FAM161A: variants seen among roughly 807,000 people sequenced by gnomAD.
FAM161A encodes FAM161 centrosomal protein A, also known as protein FAM161A.
Under a neutral mutation model 70.9 loss-of-function variants are expected in FAM161A, and 57 were observed. The ratio of observed to expected loss-of-function variants is 0.80; its 90% CI spans 0.65 to 1.00. The LOEUF (loss-of-function observed/expected upper bound fraction) is 1.00. Ranked by LOEUF, FAM161A falls within the 50% of genes least tolerant of loss-of-function variation. The pLI is 0.00. For synonymous variants in FAM161A, 299 were observed against 295.7 expected, an observed-to-expected ratio of 1.01 and a Z score of -0.12; for missense variants, 880 against 836.0, an observed-to-expected ratio of 1.05 and a Z score of -0.65.
chr2:61,826,395 G>C lies in FAM161A; in HGVS notation c.*60C>G. On this transcript the variant is annotated 3_prime_UTR_variant, in exon 7 of 7. Transcript: ENST00000404929. ...CACAGATGTTCTAAACACAAATGCGGCTGCTGACACCCTGACGCTGCAAAC... is the reference window on the plus strand; with the variant it reads ...CACAGATGTTCTAAACACAAATGCGCCTGCTGACACCCTGACGCTGCAAAC... 1.3e-6 allele frequency: 2 copies of C among 1,582,560 alleles called. No individual in the cohort carries two copies. Among genetic ancestry groups the C allele is most frequent in the Non-Finnish European group, 1.7e-6 (2 of 1,155,978 alleles).
intron 3 of FAM161A, among the ~76,000 whole-genome samples, 193 bp from the exon 4 acceptor site, chr2:61,838,898 T>TATTTA (rs1250504740): frequency 6.6e-6 from 1 of 150,922 alleles, no homozygotes; most frequent in African/African-American, 2.4e-5. Context: ...ATTTATTTTT[T>TATTTA]TTGAGATGGA....
chr2:61,803,314 TA>T, the FAM161A span: 1 of 654,634 alleles, frequency 1.5e-6, no homozygotes. Context: ...TTATGTAAAG[TA>T]AAATGAACCC....
rs370636019 is a variant in FAM161A, at chr2:61,827,526, C to T, written c.1852-268G>A. 2.0e-3 allele frequency among the ~76,000 whole-genome samples: 299 copies of T among 146,830 alleles called. 1 individual carries two copies. The highest frequency in any genetic ancestry group is 7.1e-3 in the African/African-American group (284 of 39,766). ...TCGGGAGGCTGAGGCAGGAGAATGG[C>T]GTGAACCTGGGAGGCGGAGCTTGCA... On this transcript the variant is annotated intron_variant, in intron 5 of 6. Coordinates refer to ENST00000404929, the MANE Select transcript of FAM161A (RefSeq NM_001201543.2).
chr2:61,840,717 A>G, intron 2 of FAM161A, 136 bp from the exon 3 acceptor site: 2 of 673,956 alleles, frequency 3.0e-6, no homozygotes, highest in Admixed American at 2.5e-5. Context: ...GTGGTGTGAT[A>G]TCGGCTCACT....
At chr2:61,811,706 A>ATGTT in the FAM161A span, among the ~76,000 whole-genome samples, 1 of 150,898 alleles carries the variant, frequency 6.6e-6, no homozygotes, top group Non-Finnish European at 1.5e-5. Context: ...TGGTCTCACT[A>ATGTT]TGTTGCCCAG....
intron 6 of FAM161A, 90 bp downstream of exon 6, chr2:61,827,014 A>C (rs1672391821): frequency 7.9e-7 from 1 of 1,273,372 alleles, no homozygotes; most frequent in Non-Finnish European, 1.1e-6. Context: ...AACAATATAG[A>C]ACAAAAAATA....
At chr2:61,845,963 C>T (rs1206697742) in intron 1 of FAM161A, among the ~76,000 whole-genome samples, 1 of 151,686 alleles carries the variant, frequency 6.6e-6, no homozygotes, top group Admixed American at 6.6e-5. Context: ...GTGGCGTGTA[C>T]CTGTAGTCCC....
intron 4 of FAM161A, among the ~76,000 whole-genome samples, chr2:61,838,254 C>T (rs936548476): frequency 1.3e-5 from 2 of 152,122 alleles, no homozygotes; most frequent in Non-Finnish European, 2.9e-5. Flanking sequence ...AGAACAAGAT[C>T]AGATATTGGT....
At chr2:61,820,074 AT>A (rs891903898), downstream of FAM161A, 8 of 316,054 alleles carry the variant, frequency 2.5e-5, no homozygotes, top group Admixed American at 2.5e-4. Context: ...TATACAGTAT[AT>A]TTAATGATGT....
In FAM161A at chr2:61,840,243, T is replaced by C; in HGVS notation, c.761A>G (p.Glu254Gly). 1 of 1,614,024 alleles carries C rather than the reference T, an allele frequency of 6.2e-7. No individual in the cohort carries two copies. The highest frequency in any genetic ancestry group is 8.5e-7 in the Non-Finnish European group (1 of 1,179,984). ...GATATCTGATTTAGATTTCATGGACTCTTCTTTTTTCTTCTGTTCTCTTAT... is the reference window on the plus strand; with the variant it reads ...GATATCTGATTTAGATTTCATGGACCCTTCTTTTTTCTTCTGTTCTCTTAT... Reference protein sequence around the residue: ...MMIREQKKKEESMKSKSDIEM... With the variant: ...MMIREQKKKEGSMKSKSDIEM... Residue 254 changes from glutamate (E) to glycine (G), a missense_variant, in exon 3 of 7, where the codon GAG becomes GGG. By Grantham distance (98) the Glu-to-Gly change is moderately conservative (BLOSUM62 -2). Coordinates refer to ENST00000404929, the MANE Select transcript of FAM161A (RefSeq NM_001201543.2).
Position 61,848,341 on chromosome 2 carries a change from C to A in FAM161A, c.183+5518G>T, listed in dbSNP as rs1158144946. Reference sequence around the variant, plus strand: ...GCTGAAACTTTTCAGATAAACTGATCTCACAGTGTTTAACCTAAAACAGAT... The same window carrying A: ...GCTGAAACTTTTCAGATAAACTGATATCACAGTGTTTAACCTAAAACAGAT... On this transcript the variant is annotated intron_variant, in intron 1 of 6. Coordinates refer to ENST00000404929, the MANE Select transcript of FAM161A (RefSeq NM_001201543.2). Among the ~76,000 whole-genome samples the A allele has an allele frequency of 2.0e-5, 3 of 152,290 alleles. No homozygotes were observed. In the East Asian group the frequency reaches 5.8e-4, roughly 29 times the overall value.
rs1672550834 is a variant in FAM161A, at chr2:61,830,955, A to AGGAGCCCAGGAGCTT, written c.1852-3698_1852-3697insAAGCTCCTGGGCTCC. On this transcript the variant is annotated intron_variant, in intron 5 of 6. Transcript: ENST00000404929. ...GAAACTTCGTCTTGACTAAAAATAC[A>AGGAGCCCAGGAGCTT]AAAAAAATTAGCCAGGCATGGTGGC... 2.0e-5 allele frequency among the ~76,000 whole-genome samples: 3 copies of AGGAGCCCAGGAGCTT among 151,390 alleles called. No homozygotes were observed. The East Asian group carries it at 5.9e-4, about 30-fold the overall frequency.
At position 61,839,076 on chromosome 2, in the gene FAM161A, G is replaced by A. The variant is rs1672895051; in HGVS notation, c.1583+345C>T. 6.6e-5 allele frequency among the ~76,000 whole-genome samples: 10 copies of A among 151,408 alleles called. No individual in the cohort carries two copies. The South Asian group carries it at 1.9e-3, about 28-fold the overall frequency. On this transcript the variant is annotated intron_variant, in intron 3 of 6. Transcript: ENST00000404929. Reference sequence around the variant, plus strand: ...TTTTTGTATTTTTAGTAGAGATGGGGGTTTCATTATCTCGGCCAGGGTGGT... The same window carrying A: ...TTTTTGTATTTTTAGTAGAGATGGGAGTTTCATTATCTCGGCCAGGGTGGT...
chr2:61,827,367 T>G, intron 5 of FAM161A, 109 bp from the exon 6 acceptor site: 1 of 1,056,616 alleles, frequency 9.5e-7, no homozygotes, highest in Non-Finnish European at 1.4e-6. Flanking sequence ...TCCCAGTGCT[T>G]TGGGAGGCCG....
chr2:61,842,503 T>C, intron 1 of FAM161A, 143 bp from the exon 2 acceptor site: 1 of 611,166 alleles, frequency 1.6e-6, no homozygotes, highest in Non-Finnish European at 2.9e-6. Flanking sequence ...GAATGAGTTA[T>C]AGGTTATTTG....
In FAM161A at chr2:61,842,333, C is replaced by T. The variant is rs1673048328; in HGVS notation, c.211G>A (p.Val71Met). 6.4e-7 allele frequency: 1 copy of T among 1,573,512 alleles called. No homozygotes were observed. Among genetic ancestry groups the T allele is most frequent in the East Asian group, 2.4e-5 (1 of 42,430 alleles). Residue 71 changes from valine to methionine, a missense_variant, in exon 2 of 7, where the codon GTG becomes ATG. Physicochemically the swap from Val to Met is conservative, Grantham distance 21. Transcript: ENST00000404929. ...SADLNTSFSG[V>M]DEHAPISYED... is the part of the protein sequence containing the mutation. ...TAGCTTATCGGTGCATGTTCATCCA[C>T]CCCAGAAAAGCTGGTGTTCAAATCA...
chr2:61,813,718 C>CAA, the FAM161A span, among the ~76,000 whole-genome samples: 219 of 86,916 alleles, frequency 2.5e-3, no homozygotes, highest in South Asian at 6.5e-3. Context: ...GACCCTGTCT[C>CAA]AAAAAAAAAA....
intron 3 of FAM161A, 30 bp from the exon 4 acceptor site, chr2:61,838,735 C>T (rs764338277): frequency 6.9e-7 from 1 of 1,458,908 alleles, no homozygotes; most frequent in Non-Finnish European, 9.1e-7. Flanking sequence ...GCTTAATCCA[C>T]TTTAAGCCAA....
chr2:61,820,643 G>A (rs1672183955), downstream of FAM161A: 2 of 559,436 alleles, frequency 3.6e-6, no homozygotes, highest in Admixed American at 2.6e-5. Flanking sequence ...TTTTGTATGT[G>A]TGATGATGGT....
Sources: allele counts gnomAD v4.1 joint callset (sites outside exome capture counted in the v4.1 genomes callset), GRCh38; gene constraint gnomAD v4.1.1; transcripts MANE v1.5; gene names NCBI Gene and HGNC (gene_info 2026-07-23, HGNC 2026-07-21).